Variants in CHODL observed in about 807,000 individuals in gnomAD.
CHODL encodes transmembrane protein MT75.
Under a neutral mutation model 34.5 loss-of-function variants are expected in CHODL, and 29 were observed. The observed-to-expected ratio is 0.84, with a 90% CI of 0.63 to 1.15. CHODL has a LOEUF of 1.15. CHODL is among the 50% of genes most tolerant of loss of function. The probability of loss-of-function intolerance (pLI) is 0.00; values close to 1 mark genes in which losing one functional copy is unlikely to be tolerated. For synonymous variants in CHODL, 125 were observed against 116.1 expected, an observed-to-expected ratio of 1.08 and a Z score of -0.49; for missense variants, 332 against 332.5, an observed-to-expected ratio of 1.00 and a Z score of 0.01.
chr21:18,005,455 A>G (rs558633511), intron 1 of CHODL, among the ~76,000 whole-genome samples: 1 of 152,236 alleles, frequency 6.6e-6, no homozygotes, highest in African/African-American at 2.4e-5. Flanking sequence ...TGTTTAGGAA[A>G]TTTTTTTCTT....
rs1224378856 is a variant in CHODL at position 17,975,596 on chromosome 21, A to C, written c.-144-52276A>C. ...ACACTAGCCACATTTCAGTTCCTCA[A>C]ACCCACTCTTTTTCTTGACCTTGAG... On this transcript the variant is annotated intron_variant, in intron 1 of 6. Transcript: ENST00000400127. Among the ~76,000 whole-genome samples the C allele has an allele frequency of 1.3e-5, 2 of 152,090 alleles. 1 individual carries two copies. Among genetic ancestry groups the C allele is most frequent in the East Asian group, 3.9e-4 (2 of 5,192 alleles).
chr21:18,256,842 G>A, intron 2 of CHODL, 24 bp downstream of exon 2: 1 of 1,600,656 alleles, frequency 6.2e-7, no homozygotes, highest in Non-Finnish European at 8.5e-7. Flanking sequence ...TTGAGCAGTT[G>A]GCAGGTGCTC....
At chr21:18,197,445 T>C (rs2073602467) in intron 2 of CHODL, among the ~76,000 whole-genome samples, 1 of 152,070 alleles carries the variant, frequency 6.6e-6, no homozygotes, top group African/African-American at 2.4e-5. Flanking sequence ...ACCCTGTCTC[T>C]ACCAAAAAAT....
intron 1 of CHODL, among the ~76,000 whole-genome samples, chr21:17,928,400 G>C (rs2146316864): frequency 6.6e-6 from 1 of 151,670 alleles, no homozygotes; most frequent in Middle Eastern, 3.4e-3. Context: ...AGGTAGAGAT[G>C]CTGGGGGAAG....
intron 2 of CHODL, among the ~76,000 whole-genome samples, chr21:18,237,846 A>C (rs7275325): frequency 0.19 from 29,139 of 152,112 alleles, 3,749 homozygotes; most frequent in African/African-American, 0.37. Context: ...GTGAAGAATA[A>C]AACCACCTAC....
chr21:18,243,423 A>C (rs780701805), upstream of CHODL, among the ~76,000 whole-genome samples: 1 of 152,234 alleles, frequency 6.6e-6, no homozygotes, highest in Non-Finnish European at 1.5e-5. Flanking sequence ...CACAGAATCC[A>C]TAGCCTCTAC....
intron 2 of CHODL, among the ~76,000 whole-genome samples, chr21:18,083,098 T>A (rs977897014): frequency 6.6e-6 from 1 of 152,062 alleles, no homozygotes; most frequent in African/African-American, 2.4e-5. Flanking sequence ...AGGAAAAAAT[T>A]GTTTCATGGG....
intron 1 of CHODL, among the ~76,000 whole-genome samples, chr21:17,928,626 T>TA (rs761125379): frequency 1.6e-4 from 24 of 150,936 alleles, no homozygotes; most frequent in East Asian, 1.9e-4. Flanking sequence ...GAATTGAATC[T>TA]AAAAAAAAAG....
intron 1 of CHODL, among the ~76,000 whole-genome samples, chr21:18,020,506 T>C (rs1007265184): frequency 1.3e-5 from 2 of 152,190 alleles, no homozygotes; most frequent in African/African-American, 4.8e-5. Context: ...TAAGGCTGAA[T>C]TCCTCCTTTT....
rs184441850 is a variant in CHODL at position 18,080,448 on chromosome 21, A to T, written c.-45+52477A>T. 1.9e-3 allele frequency among the ~76,000 whole-genome samples: 296 copies of T among 152,124 alleles called. 1 individual carries two copies. The highest frequency in any genetic ancestry group is 6.7e-3 in the African/African-American group (277 of 41,464). The stretch of plus-strand genomic sequence containing the variant: ...AGTTCTTCCCAGATTTTCTTCAAGG[A>T]TATTGATAGTTTCAAGTTCTATATT... On this transcript the variant is annotated intron_variant, in intron 2 of 6. Transcript: ENST00000400127.
intron 1 of CHODL, among the ~76,000 whole-genome samples, chr21:18,013,249 A>G (rs369743270): frequency 3.3e-5 from 5 of 152,092 alleles, no homozygotes; most frequent in African/African-American, 7.2e-5. Flanking sequence ...CTTTTCACTC[A>G]AATCTGTGTT....
At chr21:18,053,684 C>A (rs1297148258) in intron 2 of CHODL, among the ~76,000 whole-genome samples, 1 of 151,674 alleles carries the variant, frequency 6.6e-6, no homozygotes, top group African/African-American at 2.4e-5. Context: ...GTTTTTTCTG[C>A]TTCATTTGAA....
chr21:17,931,909 C>A (rs543648286), intron 1 of CHODL, among the ~76,000 whole-genome samples: 46 of 152,190 alleles, frequency 3.0e-4, no homozygotes, highest in African/African-American at 1.0e-3. Context: ...ACATTTATGA[C>A]TAAGAACTCA....
At chr21:17,939,037 A>G (rs2063342854) in intron 1 of CHODL, among the ~76,000 whole-genome samples, 1 of 152,224 alleles carries the variant, frequency 6.6e-6, no homozygotes. Context: ...GAAAATGCAA[A>G]CACATTAAAA....
chr21:17,976,623 G>A (rs1174785449), intron 1 of CHODL, among the ~76,000 whole-genome samples: 1 of 152,112 alleles, frequency 6.6e-6, no homozygotes, highest in African/African-American at 2.4e-5. Context: ...GCGTACACTT[G>A]ACACTGTAAT....
At chr21:18,247,638 T>C (rs2074157945) in intron 1 of CHODL, among the ~76,000 whole-genome samples, 1 of 152,156 alleles carries the variant, frequency 6.6e-6, no homozygotes, top group South Asian at 2.1e-4. Context: ...AAGTATTTTT[T>C]CTAGGTCAGT....
At chr21:17,935,308 TGTAGGAAAAAATG>T (rs961720795) in intron 1 of CHODL, among the ~76,000 whole-genome samples, 7 of 152,214 alleles carry the variant, frequency 4.6e-5, no homozygotes, top group African/African-American at 9.6e-5. Context: ...TAATAGGTAA[TGTAGGAAAAAATG>T]GTTAAGTAAC....
intron 2 of CHODL, among the ~76,000 whole-genome samples, chr21:18,127,306 G>A (rs754083447): frequency 1.3e-5 from 2 of 152,064 alleles, no homozygotes; most frequent in Non-Finnish European, 2.9e-5. Context: ...TGATTCATAT[G>A]GTATTTGTGG....
intron 2 of CHODL, among the ~76,000 whole-genome samples, chr21:18,086,205 G>A (rs1401891733): frequency 6.6e-6 from 1 of 151,168 alleles, no homozygotes; most frequent in Non-Finnish European, 1.5e-5. Context: ...TTCTGCTTTT[G>A]TTTTCCTAAA....
Sources: allele counts gnomAD v4.1 joint callset (sites outside exome capture counted in the v4.1 genomes callset), GRCh38; gene constraint gnomAD v4.1.1; transcripts MANE v1.5; gene names NCBI Gene and HGNC (gene_info 2026-07-23, HGNC 2026-07-21).